The following GRM7 variants were observed in gnomAD, a reference collection of about 807,000 sequenced individuals.
GRM7 encodes the protein glutamate metabotropic receptor 7.
A neutral mutation model predicts 84.5 loss-of-function variants in GRM7; 35 were observed. That is an observed-to-expected ratio of 0.41 (90% CI 0.32 to 0.55). The LOEUF (loss-of-function observed/expected upper bound fraction) is 0.55, where lower values mean the gene tolerates loss of function less well. Ranked by LOEUF, GRM7 falls within the 20% of genes least tolerant of loss-of-function variation. The pLI, the probability that GRM7 is intolerant of heterozygous loss-of-function variation, is 0.19. For synonymous variants in GRM7, 487 were observed against 455.1 expected, an observed-to-expected ratio of 1.07 and a Z score of -0.89; for missense variants, 1,003 against 1,194.6, an observed-to-expected ratio of 0.84 and a Z score of 2.36.
chr3:7,202,326 A>ATGTT (rs921480117), intron 2 of GRM7, among the ~76,000 whole-genome samples: 7 of 152,028 alleles, frequency 4.6e-5, no homozygotes, highest in East Asian at 3.9e-4. Flanking sequence ...TGTTTTTTGT[A>ATGTT]TGTTTGTTTG....
intron 4 of GRM7, among the ~76,000 whole-genome samples, chr3:7,379,831 C>A (rs1326878785): frequency 6.6e-6 from 1 of 151,900 alleles, no homozygotes. Context: ...TTTTAGTTGC[C>A]CAGGGTGCAG....
At chr3:7,468,152 T>G (rs1289995728) in intron 7 of GRM7, among the ~76,000 whole-genome samples, 1 of 152,206 alleles carries the variant, frequency 6.6e-6, no homozygotes, top group African/African-American at 2.4e-5. Flanking sequence ...AGAAATCTTA[T>G]TATACTCATA....
chr3:7,157,475 G>T (rs1694489671), intron 2 of GRM7, among the ~76,000 whole-genome samples: 1 of 151,992 alleles, frequency 6.6e-6, no homozygotes, highest in African/African-American at 2.4e-5. Flanking sequence ...TTTGAAATTT[G>T]AAATGAAGGG....
chr3:7,553,540 T>C (rs1693598941), intron 7 of GRM7, among the ~76,000 whole-genome samples: 2 of 152,184 alleles, frequency 1.3e-5, no homozygotes, highest in Admixed American at 6.5e-5. Flanking sequence ...AGAGGCTTAA[T>C]TGACTCACAG....
chr3:7,116,125 G>A (rs1693023475), intron 1 of GRM7, among the ~76,000 whole-genome samples: 1 of 152,008 alleles, frequency 6.6e-6, no homozygotes, highest in Non-Finnish European at 1.5e-5. Flanking sequence ...CTGTTGTGTT[G>A]GACGGAAATA....
At chr3:7,221,684 T>C (rs550714986) in intron 2 of GRM7, among the ~76,000 whole-genome samples, 7 of 151,962 alleles carry the variant, frequency 4.6e-5, no homozygotes, top group African/African-American at 1.7e-4. Context: ...GCTATTTCCT[T>C]CTGTTTTATG....
Position 7,665,196 on chromosome 3 carries a change from G to A in GRM7, c.2452-14853G>A, listed in dbSNP as rs183927758. On this transcript the variant is annotated intron_variant, in intron 8 of 9. Transcript: ENST00000357716. ...TTTTTTTTTTTTTTTTTTTGAGACG[G>A]AGTCTCACTCTGTGGCCCAGGCGGG... Among the ~76,000 whole-genome samples, 30 of 141,278 alleles carry A rather than the reference G, an allele frequency of 2.1e-4. 1 individual carries two copies. The highest frequency in any genetic ancestry group is 2.0e-3 in the Admixed American group (27 of 13,748). 92.7% of individuals were successfully genotyped at this position (141,278 alleles called of 152,430 possible).
intron 7 of GRM7, among the ~76,000 whole-genome samples, 165 bp downstream of exon 7, chr3:7,461,887 G>T (rs560311191): frequency 1.3e-5 from 2 of 152,104 alleles, no homozygotes; most frequent in Non-Finnish European, 2.9e-5. Context: ...AATAATGATG[G>T]TGATGACGAT....
chr3:7,716,541 G>A (rs1701774583), intron 9 of GRM7, among the ~76,000 whole-genome samples: 1 of 152,130 alleles, frequency 6.6e-6, no homozygotes. Flanking sequence ...CTATGAGAAA[G>A]AAAATATGGC....
chr3:7,094,336 A>G, intron 1 of GRM7, among the ~76,000 whole-genome samples: 1 of 152,206 alleles, frequency 6.6e-6, no homozygotes, highest in Non-Finnish European at 1.5e-5. Flanking sequence ...CATGCATTCC[A>G]GGATTTTGTC....
At chr3:7,649,797 A>G (rs73810846) in intron 8 of GRM7, among the ~76,000 whole-genome samples, 2 of 149,508 alleles carry the variant, frequency 1.3e-5, no homozygotes, top group African/African-American at 2.5e-5. Flanking sequence ...TTTCCACCCA[A>G]ATTTATTTCT....
At chr3:7,287,995 C>T (rs1347894632) in intron 2 of GRM7, among the ~76,000 whole-genome samples, 1 of 152,120 alleles carries the variant, frequency 6.6e-6, no homozygotes, top group East Asian at 1.9e-4. Flanking sequence ...ATGTGGCAAG[C>T]TGTTATCCAA....
chr3:7,090,616 A>G (rs763940578), intron 1 of GRM7, among the ~76,000 whole-genome samples: 2 of 152,252 alleles, frequency 1.3e-5, no homozygotes, highest in African/African-American at 4.8e-5. Context: ...ACTTCTGATT[A>G]GTGTGGCCAT....
intron 8 of GRM7, among the ~76,000 whole-genome samples, chr3:7,603,136 C>T (rs1696401144): frequency 6.6e-6 from 1 of 152,072 alleles, no homozygotes; most frequent in Non-Finnish European, 1.5e-5. Context: ...GCACTAATGC[C>T]CATATACATG....
intron 1 of GRM7, among the ~76,000 whole-genome samples, chr3:6,948,572 C>T (rs193108501): frequency 5.2e-4 from 79 of 152,116 alleles, no homozygotes; most frequent in South Asian, 3.5e-3. Context: ...CTATTAGGTC[C>T]GCTTGGTGCA....
intron 2 of GRM7, among the ~76,000 whole-genome samples, chr3:7,212,167 G>A (rs1425811950): frequency 1.3e-5 from 2 of 148,230 alleles, no homozygotes; most frequent in African/African-American, 2.5e-5. Flanking sequence ...AGTTTTTCAA[G>A]CTTTTTGGCT....
Position 7,174,774 on chromosome 3 carries a change from G to C in GRM7, c.736+28106G>C, listed in dbSNP as rs186339501. 2.0e-5 allele frequency among the ~76,000 whole-genome samples: 3 copies of C among 152,316 alleles called. No individual in the cohort carries two copies. The East Asian group carries it at 5.8e-4, about 29-fold the overall frequency. On this transcript the variant is annotated intron_variant, in intron 2 of 9. Coordinates refer to ENST00000357716, the MANE Select transcript of GRM7 (RefSeq NM_000844.4). ...AACTAGTCATGTGGCTTTGCCTAGA[G>C]GCAAAGGGTACTGATAAAATTCTTG...
chr3:7,013,916 C>T (rs1272034969), intron 1 of GRM7, among the ~76,000 whole-genome samples: 4 of 152,008 alleles, frequency 2.6e-5, no homozygotes, highest in East Asian at 1.9e-4. Context: ...CATCATTTTG[C>T]GTAAATTTTT....
chr3:7,694,994 A>G (rs1229232683), intron 9 of GRM7, among the ~76,000 whole-genome samples: 1 of 152,186 alleles, frequency 6.6e-6, no homozygotes, highest in African/African-American at 2.4e-5. Flanking sequence ...TTGATAAGAA[A>G]CACATGCAAT....
Sources: gnomAD v4.1 joint callset for allele counts (sites outside exome capture counted in the v4.1 genomes callset) on GRCh38, gnomAD v4.1.1 for gene constraint, MANE v1.5 for transcripts, NCBI Gene and HGNC (gene_info 2026-07-23, HGNC 2026-07-21) for gene names.